MRPL45: variants seen among roughly 807,000 people sequenced by gnomAD.
The protein encoded by MRPL45 is mitochondrial ribosomal protein L45, also known as large ribosomal subunit protein mL45.
Under a neutral mutation model 38.1 loss-of-function variants are expected in MRPL45, and 20 were observed. The ratio of observed to expected loss-of-function variants is 0.53; its 90% CI spans 0.37 to 0.76. The LOEUF (loss-of-function observed/expected upper bound fraction) is 0.76, where lower values mean the gene tolerates loss of function less well. Ranked by LOEUF, MRPL45 falls within the 30% of genes least tolerant of loss-of-function variation. MRPL45 has a pLI of 0.00. For missense variants in MRPL45, 337 were observed against 395.6 expected (o/e 0.85, Z 1.26); for synonymous variants, 105 against 128.8 (o/e 0.82, Z 1.25).
At chr17:38,303,626 A>C (rs1450041087) in intron 3 of MRPL45, among the ~76,000 whole-genome samples, 2 of 151,884 alleles carry the variant, frequency 1.3e-5, no homozygotes, top group African/African-American at 4.8e-5. Context: ...CATCTTTTTC[A>C]AGAAATCCCT....
chr17:38,306,085 A>T (rs1288123171), intron 3 of MRPL45, among the ~76,000 whole-genome samples: 2 of 151,912 alleles, frequency 1.3e-5, no homozygotes, highest in Non-Finnish European at 2.9e-5. Context: ...AAGAGGGAGA[A>T]GGTTGAATTT....
chr17:38,316,807 C>CTT (rs370470597), intron 4 of MRPL45, among the ~76,000 whole-genome samples: 1 of 141,586 alleles, frequency 7.1e-6, no homozygotes, highest in Non-Finnish European at 1.5e-5. Context: ...CCAACATTTC[C>CTT]TTTTTTTTTG....
At position 38,322,815 on chromosome 17, in the gene MRPL45, T is replaced by G. The variant is rs1321301552; in HGVS notation, c.*220T>G. On this transcript the variant is annotated 3_prime_UTR_variant, in exon 8 of 8. Transcript: ENST00000613675. ...GGACACTCTTCTTTTTTAAATTTTA[T>G]GTCTAGCTTCTGAGTCTAGATGAAA... 1.9e-6 allele frequency: 1 copy of G among 529,498 alleles called. No individual in the cohort carries two copies. The highest frequency in any genetic ancestry group is 3.1e-5 in the East Asian group (1 of 32,762). 32.8% of individuals were successfully genotyped at this position (529,498 alleles called of 1,614,324 possible).
At chr17:38,309,270 G>A (rs1190338155) in intron 4 of MRPL45, among the ~76,000 whole-genome samples, 17 of 149,642 alleles carry the variant, frequency 1.1e-4, no homozygotes, top group Admixed American at 4.0e-4. Flanking sequence ...TAATCCCAGC[G>A]CTTTGGGAGG....
At chr17:38,297,651 G>C (rs576492965) in intron 1 of MRPL45, among the ~76,000 whole-genome samples, 7 of 152,282 alleles carry the variant, frequency 4.6e-5, no homozygotes, top group African/African-American at 1.7e-4. Flanking sequence ...TGATCAGAGA[G>C]AAAAGATCTC....
At chr17:38,320,027 T>C (rs907226198) in intron 5 of MRPL45, among the ~76,000 whole-genome samples, 11 of 152,084 alleles carry the variant, frequency 7.2e-5, no homozygotes, top group Non-Finnish European at 1.2e-4. Flanking sequence ...GGCGTGAACC[T>C]GGGAGGCGGA....
At chr17:38,320,516 C>A in intron 5 of MRPL45, 102 bp from the exon 6 acceptor site, 1 of 1,230,486 alleles carries the variant, frequency 8.1e-7, no homozygotes, top group South Asian at 1.4e-5. Context: ...AAACGTGCTG[C>A]CTGTTGGCTG....
intron 5 of MRPL45, among the ~76,000 whole-genome samples, chr17:38,319,731 T>C (rs1367824064): frequency 6.6e-6 from 1 of 152,172 alleles, no homozygotes; most frequent in Non-Finnish European, 1.5e-5. Flanking sequence ...AGGCTTATAT[T>C]GAGTGGTAAC....
chr17:38,321,639 C>T (rs753829042), intron 6 of MRPL45, among the ~76,000 whole-genome samples: 9 of 151,064 alleles, frequency 6.0e-5, no homozygotes, highest in Middle Eastern at 3.5e-3. Context: ...TGCAGTGAGA[C>T]GATACCGTAC....
chr17:38,317,259 G>A (rs898314727), intron 4 of MRPL45, among the ~76,000 whole-genome samples: 2 of 152,180 alleles, frequency 1.3e-5, no homozygotes, highest in African/African-American at 2.4e-5. Context: ...GGTCATCATG[G>A]TAGTTGTCAC....
intron 4 of MRPL45, 74 bp from the exon 5 acceptor site, chr17:38,318,613 C>A: frequency 9.1e-7 from 1 of 1,097,714 alleles, no homozygotes; most frequent in South Asian, 1.3e-5. Context: ...TTTCCATTTT[C>A]AGGACCATTT....
intron 3 of MRPL45, among the ~76,000 whole-genome samples, chr17:38,306,147 C>A (rs953809272): frequency 6.6e-6 from 1 of 151,646 alleles, no homozygotes; most frequent in Non-Finnish European, 1.5e-5. Flanking sequence ...TGGTAGCTCA[C>A]GCCTGTAATC....
intron 4 of MRPL45, among the ~76,000 whole-genome samples, chr17:38,317,574 T>C (rs2037186555): frequency 6.6e-6 from 1 of 151,970 alleles, no homozygotes; most frequent in South Asian, 2.1e-4. Flanking sequence ...TTTTTTGTTT[T>C]GTTTTGTTTT....
chr17:38,318,469 A>G (rs2037196443), intron 4 of MRPL45, among the ~76,000 whole-genome samples: 1 of 151,150 alleles, frequency 6.6e-6, no homozygotes, highest in African/African-American at 2.4e-5. Flanking sequence ...TTGTAATATA[A>G]TTTTATTCTG....
intron 1 of MRPL45, 79 bp from the exon 2 acceptor site, chr17:38,298,370 C>T: frequency 1.0e-6 from 1 of 958,752 alleles, no homozygotes; most frequent in South Asian, 1.6e-5. Flanking sequence ...GATATTCCCT[C>T]TCTATAGTGC....
rs150825154 is a variant in MRPL45, at chr17:38,312,191, C to T, written c.461+5560C>T. Among the ~76,000 whole-genome samples the T allele has an allele frequency of 5.4e-3, 814 of 151,880 alleles. 5 individuals carry two copies. The highest frequency in any genetic ancestry group is 0.017 in the African/African-American group (689 of 41,412). On this transcript the variant is annotated intron_variant, in intron 4 of 7. Transcript: ENST00000613675. ...CCTCCCAAGTAGCTGGGATTACAGA[C>T]GCCTGCCATCACACCTGGCTAATTT...
intron 1 of MRPL45, among the ~76,000 whole-genome samples, chr17:38,297,605 T>C (rs2036949614): frequency 6.6e-6 from 1 of 152,066 alleles, no homozygotes; most frequent in Non-Finnish European, 1.5e-5. Context: ...AATGAGGGCG[T>C]CCCATATTGT....
At chr17:38,318,764 G>A in intron 5 of MRPL45, 29 bp downstream of exon 5, 1 of 1,529,996 alleles carries the variant, frequency 6.5e-7, no homozygotes, top group Non-Finnish European at 9.0e-7. Context: ...TAGAACTGTG[G>A]GGTGACTGAG....
intron 4 of MRPL45, among the ~76,000 whole-genome samples, chr17:38,309,592 T>A (rs887510210): frequency 6.8e-6 from 1 of 146,098 alleles, no homozygotes; most frequent in African/African-American, 2.5e-5. Context: ...GATTTATCTA[T>A]GGGTATCTGT....
Sources: allele counts gnomAD v4.1 joint callset (sites outside exome capture counted in the v4.1 genomes callset), GRCh38; gene constraint gnomAD v4.1.1; transcripts MANE v1.5; gene names NCBI Gene and HGNC (gene_info 2026-07-23, HGNC 2026-07-21).